PTGER3: variants seen among roughly 807,000 people sequenced by gnomAD.
The protein encoded by PTGER3 is prostaglandin E2 receptor EP3 subtype.
A neutral mutation model predicts 34.7 loss-of-function variants in PTGER3; 22 were observed. That is an observed-to-expected ratio of 0.63 (90% confidence interval 0.45 to 0.91). The LOEUF (loss-of-function observed/expected upper bound fraction) is 0.91. PTGER3 is among the 40% of genes least tolerant of loss of function. The probability of loss-of-function intolerance (pLI) is 0.00; values close to 1 mark genes in which losing one functional copy is unlikely to be tolerated. For synonymous variants in PTGER3, 241 were observed against 230.1 expected (o/e 1.05, Z -0.43); for missense variants, 468 against 519.4 (o/e 0.90, Z 0.96).
At chr1:71,014,790 T>C (rs1657747413) in intron 1 of PTGER3, among the ~76,000 whole-genome samples, 1 of 152,208 alleles carries the variant, frequency 6.6e-6, no homozygotes, top group African/African-American at 2.4e-5. Flanking sequence ...CCATCAAGTT[T>C]ACACCTTTGT....
chr1:70,904,094 T>TG (rs1553161701), intron 4 of PTGER3, among the ~76,000 whole-genome samples: 2 of 151,872 alleles, frequency 1.3e-5, no homozygotes, highest in Non-Finnish European at 2.9e-5. Flanking sequence ...CTGATGGTTT[T>TG]AAAACTGGAG....
chr1:70,877,831 G>A (rs907102833), intron 4 of PTGER3, among the ~76,000 whole-genome samples: 1 of 152,124 alleles, frequency 6.6e-6, no homozygotes, highest in Admixed American at 6.5e-5. Context: ...GTTTTGTTGT[G>A]CTGCTGGATT....
At chr1:70,865,583 A>G (rs1051826186) in intron 4 of PTGER3, 8 of 1,228,672 alleles carry the variant, frequency 6.5e-6, no homozygotes, top group Admixed American at 4.4e-5. Context: ...AGGTGGGACA[A>G]CAGAGATGAA....
intron 1 of PTGER3, among the ~76,000 whole-genome samples, chr1:71,041,687 T>C (rs1181410244): frequency 6.6e-6 from 1 of 152,202 alleles, no homozygotes; most frequent in Admixed American, 6.5e-5. Flanking sequence ...CAAACTTCCT[T>C]CCTGTCTTTT....
chr1:71,006,546 C>T, intron 2 of PTGER3: 1 of 983,656 alleles, frequency 1.0e-6, no homozygotes, highest in Non-Finnish European at 1.2e-6. Context: ...AATAACTAAG[C>T]TTACAATAAT....
At chr1:71,000,993 T>C (rs1413784228) in intron 2 of PTGER3, among the ~76,000 whole-genome samples, 1 of 152,114 alleles carries the variant, frequency 6.6e-6, no homozygotes, top group Non-Finnish European at 1.5e-5. Flanking sequence ...GAGTGTGAGA[T>C]AACAATATAT....
At chr1:70,880,124 G>A (rs916824770) in intron 4 of PTGER3, among the ~76,000 whole-genome samples, 2 of 151,944 alleles carry the variant, frequency 1.3e-5, no homozygotes, top group Non-Finnish European at 2.9e-5. Context: ...GTTTTATCCT[G>A]TAATCATATT....
chr1:70,888,741 G>A (rs1646549772), intron 4 of PTGER3, among the ~76,000 whole-genome samples: 1 of 151,214 alleles, frequency 6.6e-6, no homozygotes. Flanking sequence ...GCTTTGGTTT[G>A]TGAATTTGGG....
At position 71,007,380 on chromosome 1, in the gene PTGER3, G is replaced by A. The variant is rs1271392984; in HGVS notation, c.1077+4925C>T. On this transcript the variant is annotated intron_variant, in intron 2 of 3. Coordinates refer to ENST00000306666, the MANE Select transcript of PTGER3 (RefSeq NM_198719.2). ...GTATTTTTTTCTCTTTCAAGGAAGA[G>A]TTGGGAAGGAAGAGAGTTCAGCAGT... 7.1e-6 allele frequency: 7 copies of A among 985,734 alleles called. No homozygotes were observed. In the East Asian group the frequency reaches 6.8e-4, roughly 96 times the overall value. The allele number at this position is 985,734 out of a possible 1,614,324, so 61.1% of individuals were successfully genotyped here. A position where few individuals can be genotyped will look rare whatever the true frequency, so the allele number is the denominator to read the frequency against.
rs745635473 is a variant in PTGER3, at chr1:71,043,285, T to C, written c.897+3396A>G. Among the ~76,000 whole-genome samples, 38 of 152,232 alleles carry C rather than the reference T, an allele frequency of 2.5e-4. 1 individual carries two copies. Among genetic ancestry groups the C allele is most frequent in the Non-Finnish European group, 4.4e-4 (30 of 68,026 alleles). ...CAGTAACTAAAAACTGTAGGTCATC[T>C]ATCATGGTGACATAATTTCCCACTG... On this transcript the variant is annotated intron_variant, in intron 1 of 3. Transcript: ENST00000306666.
chr1:70,884,291 A>G (rs1052555247), intron 4 of PTGER3, among the ~76,000 whole-genome samples: 4 of 152,194 alleles, frequency 2.6e-5, no homozygotes, highest in African/African-American at 9.7e-5. Flanking sequence ...CACATGCTGT[A>G]TAATCATCTC....
intron 4 of PTGER3, among the ~76,000 whole-genome samples, chr1:70,915,795 T>TGGTCTATGTGTCTGTTTCTCA (rs1647162307): frequency 2.0e-5 from 3 of 151,874 alleles, no homozygotes. Context: ...TCTGTTTCAT[T>TGGTCTATGTGTCTGTTTCTCA]GGTCTATGTG....
chr1:70,858,226 C>G (rs933624834), intron 4 of PTGER3, among the ~76,000 whole-genome samples: 2 of 125,188 alleles, frequency 1.6e-5, no homozygotes, highest in South Asian at 5.0e-4. Flanking sequence ...TTTGGTACAA[C>G]ATAGCTTTTG....
chr1:70,856,003 A>G (rs539467271), intron 4 of PTGER3, among the ~76,000 whole-genome samples: 2 of 152,234 alleles, frequency 1.3e-5, no homozygotes, highest in South Asian at 4.1e-4. Context: ...TAGATTAAAA[A>G]GTTTGGTAAT....
At position 71,003,457 on chromosome 1, in the gene PTGER3, T is replaced by C. The variant is rs554368427; in HGVS notation, c.1077+8848A>G. ...TAGCTACATTATAAATCTCTCTTGT[T>C]GGGCCAGCACAAGGCAAAACTAAAA... On this transcript the variant is annotated intron_variant, in intron 2 of 3. Transcript: ENST00000306666. Among the ~76,000 whole-genome samples the C allele has an allele frequency of 3.3e-5, 5 of 152,312 alleles. No homozygotes were observed. The East Asian group carries it at 9.6e-4, about 29-fold the overall frequency.
At chr1:71,041,095 C>A (rs1660275543) in intron 1 of PTGER3, among the ~76,000 whole-genome samples, 1 of 152,192 alleles carries the variant, frequency 6.6e-6, no homozygotes, top group East Asian at 1.9e-4. Flanking sequence ...TGTTCCTCAA[C>A]TTAAAACAGG....
chr1:71,046,839 A>T lies in PTGER3; in HGVS notation c.739T>A (p.Ser247Thr). 1.9e-6 allele frequency: 3 copies of T among 1,614,052 alleles called. No individual in the cohort carries two copies. Among genetic ancestry groups the T allele is most frequent in the Non-Finnish European group, 2.5e-6 (3 of 1,180,012 alleles). Residue 247 changes from serine (S) to threonine (T), a missense_variant, in exon 1 of 4, where the codon TCC becomes ACC. Ser to Thr is a moderately conservative substitution (Grantham distance 58). Around this residue, in one of 5 missense-constraint regions of PTGER3, gnomAD observed 204 missense variants for 230.8 expected, o/e 0.88. Coordinates refer to ENST00000306666, the MANE Select transcript of PTGER3 (RefSeq NM_198719.2). ...LGLLALTVTF[S>T]CNLATIKALV... ...GCCTTAATGGTGGCCAGGTTGCAGG[A>T]AAAGGTGACTGTCAGCGCCAAGAGC...
chr1:70,892,927 A>T (rs1359776839), intron 4 of PTGER3, among the ~76,000 whole-genome samples: 1 of 152,094 alleles, frequency 6.6e-6, no homozygotes, highest in African/African-American at 2.4e-5. Flanking sequence ...ATAATACTGC[A>T]TCTACAGCAG....
At chr1:70,915,234 A>G (rs1253629874) in intron 4 of PTGER3, among the ~76,000 whole-genome samples, 2 of 151,904 alleles carry the variant, frequency 1.3e-5, no homozygotes, top group African/African-American at 4.8e-5. Context: ...TTTCTGTTAC[A>G]ATCAATGTCC....
Sources: gnomAD v4.1 joint callset for allele counts (sites outside exome capture counted in the v4.1 genomes callset) on GRCh38, gnomAD v4.1.1 for gene constraint, gnomAD v4.1.1 regional missense constraint, MANE v1.5 for transcripts, NCBI Gene and HGNC (gene_info 2026-07-23, HGNC 2026-07-21) for gene names.